Variants in ZNF362 observed in about 807,000 individuals in gnomAD.
The protein encoded by ZNF362 is rotund homolog.
ZNF362 carries 11 observed loss-of-function variants against 42.9 expected under a neutral mutation model. The ratio of observed to expected loss-of-function variants is 0.26; its 90% CI spans 0.16 to 0.42. ZNF362 has a LOEUF of 0.42. Among genes scored for constraint, ZNF362 ranks in the 20% least tolerant of loss-of-function variants. The pLI, the probability that ZNF362 is intolerant of heterozygous loss-of-function variation, is 1.00. For synonymous variants in ZNF362, 255 were observed against 257.3 expected (o/e 0.99, Z 0.09); for missense variants, 362 against 576.2 (o/e 0.63, Z 3.81).
chr1:33,268,581 C>T (rs1056364669), intron 1 of ZNF362, among the ~76,000 whole-genome samples: 2 of 152,208 alleles, frequency 1.3e-5, no homozygotes, highest in East Asian at 1.9e-4. Context: ...GAGCAGTCCC[C>T]GATTGCTTCC....
chr1:33,240,260 G>A, the ZNF362 span, among the ~76,000 whole-genome samples: 1 of 152,164 alleles, frequency 6.6e-6, no homozygotes, highest in Non-Finnish European at 1.5e-5. Context: ...CTGAATTAGT[G>A]ACATACCAAG....
At chr1:33,277,514 A>C (rs1645959983) in intron 4 of ZNF362, among the ~76,000 whole-genome samples, 1 of 152,222 alleles carries the variant, frequency 6.6e-6, no homozygotes, top group South Asian at 2.1e-4. Context: ...GGAAACACTC[A>C]GATACGGGTT....
the ZNF362 span, among the ~76,000 whole-genome samples, chr1:33,139,924 C>G: frequency 6.6e-6 from 1 of 152,136 alleles, no homozygotes; most frequent in East Asian, 1.9e-4. Flanking sequence ...TTTCTAAGAT[C>G]CCACCATCAG....
chr1:33,144,659 C>T, the ZNF362 span, among the ~76,000 whole-genome samples: 1 of 152,252 alleles, frequency 6.6e-6, no homozygotes, highest in African/African-American at 2.4e-5. Context: ...CTTTAGTCGA[C>T]AGTCTTTTCC....
the ZNF362 span, among the ~76,000 whole-genome samples, chr1:33,225,201 C>G: frequency 2.0e-5 from 3 of 152,144 alleles, no homozygotes; most frequent in Non-Finnish European, 2.9e-5. Flanking sequence ...CCCTCATCAT[C>G]TTTAAGTCCT....
At chr1:33,137,342 GTA>G in the ZNF362 span, among the ~76,000 whole-genome samples, 4 of 152,064 alleles carry the variant, frequency 2.6e-5, no homozygotes, top group African/African-American at 9.7e-5. Context: ...GATAAAAATG[GTA>G]TCTCCTCTTA....
chr1:33,229,781 C>T, the ZNF362 span, among the ~76,000 whole-genome samples: 1 of 152,158 alleles, frequency 6.6e-6, no homozygotes, highest in African/African-American at 2.4e-5. Flanking sequence ...GTTCAAACTC[C>T]ACCTTCTTCC....
chr1:33,283,971 C>T (rs902426019), intron 6 of ZNF362, among the ~76,000 whole-genome samples: 19 of 152,342 alleles, frequency 1.2e-4, no homozygotes, highest in Middle Eastern at 3.4e-3. Context: ...TGAGAGTTAA[C>T]TCTGTTAGGA....
At chr1:33,249,555 G>T in the ZNF362 span, among the ~76,000 whole-genome samples, 1 of 152,092 alleles carries the variant, frequency 6.6e-6, no homozygotes. Context: ...TCCCCTTCCT[G>T]CCCCACTCCC....
the ZNF362 span, among the ~76,000 whole-genome samples, chr1:33,246,784 C>A: frequency 1.3e-5 from 2 of 152,200 alleles, no homozygotes; most frequent in Non-Finnish European, 2.9e-5. Flanking sequence ...CTGGCCCCTT[C>A]TCTTACTCCA....
At chr1:33,140,316 C>T in the ZNF362 span, among the ~76,000 whole-genome samples, 1 of 152,260 alleles carries the variant, frequency 6.6e-6, no homozygotes, top group Non-Finnish European at 1.5e-5. The surrounding 1 kb of genome is among the most constrained non-coding windows in gnomAD (Gnocchi z 4.0). Flanking sequence ...GAGGCACAAA[C>T]CTCCAGCCTG....
chr1:33,135,845 G>C, the ZNF362 span, among the ~76,000 whole-genome samples: 1 of 152,186 alleles, frequency 6.6e-6, no homozygotes, highest in African/African-American at 2.4e-5. Context: ...CTATCTCAGT[G>C]CCTAGCAAGC....
intron 6 of ZNF362, among the ~76,000 whole-genome samples, chr1:33,286,222 A>G (rs367857307): frequency 6.6e-6 from 1 of 152,170 alleles, no homozygotes; most frequent in South Asian, 2.1e-4. Context: ...CACCTTGACA[A>G]TTTTATCTTT....
chr1:33,138,405 T>G, the ZNF362 span, among the ~76,000 whole-genome samples: 2 of 152,132 alleles, frequency 1.3e-5, no homozygotes, highest in African/African-American at 4.8e-5. Flanking sequence ...TTCATGCCTG[T>G]AATCCCAACA....
the ZNF362 span, among the ~76,000 whole-genome samples, chr1:33,134,342 G>C: frequency 6.6e-6 from 1 of 152,242 alleles, no homozygotes. Context: ...AAGGTCCACA[G>C]CTGGTTAAGT....
At chr1:33,147,087 G>A in the ZNF362 span, 41 of 1,453,874 alleles carry the variant, frequency 2.8e-5, no homozygotes, top group Admixed American at 2.4e-4. This position sits in a 1 kb window ranked among gnomAD's most constrained non-coding sequence, Gnocchi z 8.1. Context: ...CAGTGGCCAC[G>A]GTGGGCTGGA....
At chr1:33,219,639 G>A in the ZNF362 span, among the ~76,000 whole-genome samples, 2 of 152,168 alleles carry the variant, frequency 1.3e-5, no homozygotes, top group Non-Finnish European at 2.9e-5. Flanking sequence ...TCCTATCTGA[G>A]GGACTGTGTG....
chr1:33,155,426 A>G, the ZNF362 span, among the ~76,000 whole-genome samples: 1 of 152,020 alleles, frequency 6.6e-6, no homozygotes. Context: ...GAACAGAAGA[A>G]TGAATCCAGC....
chr1:33,232,255 C>T, the ZNF362 span, among the ~76,000 whole-genome samples: 5 of 151,956 alleles, frequency 3.3e-5, no homozygotes, highest in African/African-American at 9.7e-5. Flanking sequence ...TTTAAAGATG[C>T]GTAAGTGGAA....
Sources: allele counts gnomAD v4.1 joint callset (sites outside exome capture counted in the v4.1 genomes callset), GRCh38; gene constraint gnomAD v4.1.1; non-coding constraint Gnocchi (gnomAD v3.1); transcripts MANE v1.5; gene names NCBI Gene and HGNC (gene_info 2026-07-23, HGNC 2026-07-21).